Variants in BAHCC1 observed in about 807,000 individuals in gnomAD.
The protein encoded by BAHCC1 is BAH and coiled-coil domain-containing protein 1.
BAHCC1 carries 43 observed loss-of-function variants against 88.2 expected under a neutral mutation model. The ratio of observed to expected loss-of-function variants is 0.49; its 90% CI spans 0.38 to 0.63. BAHCC1 has a LOEUF of 0.63. Ranked by LOEUF, BAHCC1 falls within the 20% of genes least tolerant of loss-of-function variation. BAHCC1 has a pLI of 0.00. For missense variants in BAHCC1, 3,023 were observed against 1,654.8 expected (o/e 1.83, Z -14.34); for synonymous variants, 1,510 against 745.5 (o/e 2.03, Z -16.71).
At chr17:81,455,229 C>T (rs2064725322) in intron 14 of BAHCC1, 38 bp from the exon 15 acceptor site, 2 of 706,496 alleles carry the variant, frequency 2.8e-6, no homozygotes, top group Non-Finnish European at 5.2e-6. Context: ...GGCGGCCGGG[C>T]CTGCATCTGC....
In BAHCC1 at chr17:81,415,447, C is replaced by T. The variant is rs782283445; in HGVS notation, c.179-11353C>T. 2.6e-5 allele frequency: 12 copies of T among 457,428 alleles called. No homozygotes were observed. The East Asian group carries it at 6.5e-4, about 25-fold the overall frequency. 28.3% of individuals were successfully genotyped at this position (457,428 alleles called of 1,614,324 possible). On this transcript the variant is annotated intron_variant, in intron 2 of 27. Transcript: ENST00000675386. ...CATACGTCCCCCTGGAAGGGTAACGCGAGCGCGAGGCCCCATGTGGTTGGA... is the reference window on the plus strand; with the variant it reads ...CATACGTCCCCCTGGAAGGGTAACGTGAGCGCGAGGCCCCATGTGGTTGGA...
chr17:81,451,802 G>A lies in BAHCC1; in HGVS notation c.4111G>A (p.Gly1371Ser), dbSNP rs782149027. The A allele has an allele frequency of 5.0e-5, 38 of 760,924 alleles. No homozygotes were observed. The highest frequency in any genetic ancestry group is 8.2e-5 in the South Asian group (6 of 72,986). The allele number at this position is 760,924 out of a possible 1,614,324, so 47.1% of individuals were successfully genotyped here. A position where few individuals can be genotyped will look rare whatever the true frequency, so the allele number is the denominator to read the frequency against. Reference protein sequence around the residue: ...AQPPTANPCSGPRLTPRMQIL... With the variant: ...AQPPTANPCSSPRLTPRMQIL... ...GCCGCCCACAGCCAACCCCTGCAGC[G>A]GCCCCAGGCTCACCCCCCGCATGCA... Residue 1371 changes from glycine (G) to serine (S), a missense_variant, in exon 12 of 28, where the codon GGC (glycine) becomes AGC (serine). Physicochemically the swap from Gly to Ser is moderately conservative, Grantham distance 56. Transcript: ENST00000675386.
At chr17:81,415,480 G>A in intron 2 of BAHCC1, 1 of 504,386 alleles carries the variant, frequency 2.0e-6, no homozygotes, top group South Asian at 1.4e-5. Flanking sequence ...GGAGCCAGCT[G>A]TACCAAAAGC....
At chr17:81,450,468 G>A (rs751818454) in intron 11 of BAHCC1, among the ~76,000 whole-genome samples, 3 of 152,164 alleles carry the variant, frequency 2.0e-5, no homozygotes, top group African/African-American at 4.8e-5. Flanking sequence ...TTGGGCTGCC[G>A]CTGTTCCTGC....
chr17:81,454,186 G>A (rs1299203385), intron 14 of BAHCC1, among the ~76,000 whole-genome samples: 3 of 152,218 alleles, frequency 2.0e-5, no homozygotes, highest in Non-Finnish European at 4.4e-5. Context: ...TGTGAAATGG[G>A]GCAGTGGGAG....
In BAHCC1 at chr17:81,399,244, CG is replaced by C; in HGVS notation, c.-206-289del. ...CCGCGGCGCCCTAGCTGCAGGGACCCGCGGGGACGAGAACGGGAGGCGGCGA... is the reference window on the plus strand; with the variant it reads ...CCGCGGCGCCCTAGCTGCAGGGACCCCGGGGACGAGAACGGGAGGCGGCGA... On this transcript the variant is annotated intron_variant, in intron 1 of 27. Coordinates refer to ENST00000675386, the MANE Select transcript of BAHCC1 (RefSeq NM_001377448.1). This position sits in a 1 kb window ranked among gnomAD's most constrained non-coding sequence, Gnocchi z 4.5. 2.5e-6 allele frequency: 1 copy of C among 407,066 alleles called. No homozygotes were observed. The highest frequency in any genetic ancestry group is 2.7e-5 in the Admixed American group (1 of 37,212). The allele number at this position is 407,066 out of a possible 1,614,324, so 25.2% of individuals were successfully genotyped here.
intron 2 of BAHCC1, among the ~76,000 whole-genome samples, chr17:81,421,350 G>C (rs782374928): frequency 2.6e-5 from 4 of 152,242 alleles, no homozygotes; most frequent in Non-Finnish European, 5.9e-5. Context: ...GGGGGGGCTG[G>C]GGAGGTGGCA....
At chr17:81,456,067 G>T in intron 15 of BAHCC1, 1 of 533,710 alleles carries the variant, frequency 1.9e-6, no homozygotes, top group Non-Finnish European at 3.3e-6. Context: ...TCCCCTACGT[G>T]GGGTGGGCAG....
intron 27 of BAHCC1, 147 bp downstream of exon 27, chr17:81,463,123 G>A (rs2030445139): frequency 1.6e-6 from 1 of 609,976 alleles, no homozygotes; most frequent in Non-Finnish European, 2.9e-6. Flanking sequence ...GCAGGGAGCC[G>A]CACAGCCCAT....
At chr17:81,453,594 C>T (rs1555656477) in intron 14 of BAHCC1, among the ~76,000 whole-genome samples, 1 of 151,948 alleles carries the variant, frequency 6.6e-6, no homozygotes, top group Admixed American at 6.6e-5. Context: ...TATGGCTGCC[C>T]CCCCCCAGAG....
Position 81,433,498 on chromosome 17 carries a change from AG to A in BAHCC1, c.359-4871del, listed in dbSNP as rs1555651268. Among the ~76,000 whole-genome samples the A allele has an allele frequency of 2.0e-5, 3 of 149,152 alleles. No individual in the cohort carries two copies. In the East Asian group the frequency reaches 6.0e-4, roughly 30 times the overall value. Reference sequence around the variant, plus strand: ...TCCTGTGCCCAGGGCAGGAGTCATCAGTCCACCGAGGTCCCTGTGTGCCCAG... The same window carrying A: ...TCCTGTGCCCAGGGCAGGAGTCATCATCCACCGAGGTCCCTGTGTGCCCAG... On this transcript the variant is annotated intron_variant, in intron 3 of 27. Coordinates refer to ENST00000675386, the MANE Select transcript of BAHCC1 (RefSeq NM_001377448.1).
intron 2 of BAHCC1, chr17:81,401,032 C>T (rs992111022): frequency 6.6e-6 from 1 of 152,358 alleles, no homozygotes; most frequent in East Asian, 1.9e-4. Context: ...TTGGCAGTAA[C>T]AGTTATTATT....
At chr17:81,401,135 G>C (rs1463630893) in intron 2 of BAHCC1, 2 of 152,274 alleles carry the variant, frequency 1.3e-5, no homozygotes, top group African/African-American at 4.8e-5. Context: ...GCAGAGACGG[G>C]GCTAGAAAGG....
chr17:81,407,337 TAAG>T (rs782426718), intron 2 of BAHCC1: 6 of 519,914 alleles, frequency 1.2e-5, no homozygotes, highest in Non-Finnish European at 2.3e-5. Flanking sequence ...CCATATTAAG[TAAG>T]AAAGAAACCA....
Position 81,445,028 on chromosome 17 carries a change from C to G in BAHCC1, c.2685C>G (p.Asp895Glu), listed in dbSNP as rs1555653928. 5.2e-6 allele frequency: 4 copies of G among 763,930 alleles called. No homozygotes were observed. The highest frequency in any genetic ancestry group is 9.7e-6 in the Non-Finnish European group (4 of 412,668). 47.3% of individuals were successfully genotyped at this position (763,930 alleles called of 1,614,324 possible). ...SAPHALADVM[D>E]QASLWPPMYG... ...CCCTGCCCACAGCGGATGTCATGGA[C>G]CAGGCGTCACTGTGGCCCCCCATGT... Residue 895 changes from aspartate to glutamate, a missense_variant, in exon 9 of 28, where the codon GAC becomes GAG. Physicochemically the swap from Asp to Glu is conservative, Grantham distance 45. Transcript: ENST00000675386.
intron 3 of BAHCC1, among the ~76,000 whole-genome samples, chr17:81,428,493 C>T (rs1251545344): frequency 6.6e-6 from 1 of 152,214 alleles, no homozygotes; most frequent in African/African-American, 2.4e-5. Context: ...GGTTTCCCCT[C>T]CTGGCAGTGG....
chr17:81,436,100 C>T (rs1221690934), intron 3 of BAHCC1, among the ~76,000 whole-genome samples: 3 of 152,032 alleles, frequency 2.0e-5, no homozygotes, highest in South Asian at 2.1e-4. Flanking sequence ...CTCTGCTCCC[C>T]GCCCCTCCAT....
chr17:81,399,847 C>G lies in BAHCC1; in HGVS notation c.108C>G (p.Ala36=), dbSNP rs1436914389. The change falls in exon 2 of 28, where the codon GCC becomes GCG. Residue 36 remains alanine, a synonymous_variant. Transcript: ENST00000675386. The surrounding 1 kb of genome is among the most constrained non-coding windows in gnomAD (Gnocchi z 4.5). ...AAARLAPAGP[A]AQPPAHFQPG... ...CGCGTCTCGCCCCGGCTGGGCCCGCCGCGCAGCCCCCCGCACACTTCCAGC... is the reference window on the plus strand; with the variant it reads ...CGCGTCTCGCCCCGGCTGGGCCCGCGGCGCAGCCCCCCGCACACTTCCAGC... 41 of 1,374,648 alleles carry G rather than the reference C, an allele frequency of 3.0e-5. No homozygotes were observed. The highest frequency in any genetic ancestry group is 3.7e-5 in the Non-Finnish European group (39 of 1,062,414). 85.2% of individuals were successfully genotyped at this position (1,374,648 alleles called of 1,614,324 possible).
intron 2 of BAHCC1, chr17:81,422,706 G>T: frequency 2.6e-6 from 1 of 388,524 alleles, no homozygotes; most frequent in African/African-American, 2.2e-5. Context: ...ATGTGGTGTG[G>T]GAGAGCTCAA....
Sources: gnomAD v4.1 joint callset for allele counts (sites outside exome capture counted in the v4.1 genomes callset) on GRCh38, gnomAD v4.1.1 for gene constraint, Gnocchi (gnomAD v3.1) non-coding constraint, MANE v1.5 for transcripts, NCBI Gene and HGNC (gene_info 2026-07-23, HGNC 2026-07-21) for gene names.